Variants in STX18 observed in about 807,000 individuals in gnomAD.
STX18 encodes syntaxin 18.
Under a neutral mutation model 50.1 loss-of-function variants are expected in STX18, and 40 were observed. That is an observed-to-expected ratio of 0.80 (90% CI 0.62 to 1.04). The LOEUF (loss-of-function observed/expected upper bound fraction) is 1.04. Among genes scored for constraint, STX18 ranks in the 50% least tolerant of loss-of-function variants. The pLI, the probability that STX18 is intolerant of heterozygous loss-of-function variation, is 0.00. For missense variants in STX18, 410 were observed against 415.8 expected (o/e 0.99, Z 0.12); for synonymous variants, 158 against 151.8 (o/e 1.04, Z -0.30).
rs150480316 is a variant in STX18, at chr4:4,470,389, G to A, written c.236+1250C>T. ...TGCAAAATCACCACAGTTGAGTGCT[G>A]CTGGGCTAGTCATGGACTTTAGGAC... On this transcript the variant is annotated intron_variant, in intron 2 of 10. Transcript: ENST00000306200. Among the ~76,000 whole-genome samples the A allele has an allele frequency of 2.3e-3, 345 of 152,270 alleles. 2 individuals are homozygous for A. Among genetic ancestry groups the A allele is most frequent in the African/African-American group, 7.8e-3 (323 of 41,544 alleles).
chr4:4,430,429 T>C (rs1725462195), intron 7 of STX18, among the ~76,000 whole-genome samples: 1 of 152,244 alleles, frequency 6.6e-6, no homozygotes, highest in African/African-American at 2.4e-5. Context: ...AGAAAGAAGT[T>C]AACTGGACAT....
intron 1 of STX18, among the ~76,000 whole-genome samples, chr4:4,523,303 G>A (rs1730600983): frequency 1.3e-5 from 2 of 152,098 alleles, no homozygotes; most frequent in African/African-American, 4.8e-5. Context: ...TTTTCCCAGG[G>A]ACTACTCTGA....
chr4:4,465,940 C>T (rs1186664926), intron 2 of STX18, among the ~76,000 whole-genome samples: 2 of 152,160 alleles, frequency 1.3e-5, no homozygotes, highest in Non-Finnish European at 2.9e-5. Context: ...ACATGGTAGG[C>T]ACTCAATAAA....
At position 4,456,670 on chromosome 4, in the gene STX18, C is replaced by T. The variant is rs558729864; in HGVS notation, c.497+521G>A. On this transcript the variant is annotated intron_variant, in intron 5 of 10. Coordinates refer to ENST00000306200, the MANE Select transcript of STX18 (RefSeq NM_016930.4). ...GGTGTGCACTCAGAGCATGTGGCAT[C>T]GAGCAAGTCTGTCACAGGTGACCTG... Among the ~76,000 whole-genome samples, 219 of 152,316 alleles carry T rather than the reference C, an allele frequency of 1.4e-3. 4 individuals carry two copies. Among genetic ancestry groups the T allele is most frequent in the Admixed American group, 0.013 (197 of 15,306 alleles).
intron 2 of STX18, among the ~76,000 whole-genome samples, chr4:4,464,830 C>T (rs1727542926): frequency 6.6e-6 from 1 of 151,544 alleles, no homozygotes; most frequent in Non-Finnish European, 1.5e-5. Context: ...AACAGTCTAT[C>T]TCATTAATTT....
intron 5 of STX18, among the ~76,000 whole-genome samples, chr4:4,443,788 A>G (rs1726245824): frequency 2.0e-5 from 3 of 152,246 alleles, no homozygotes; most frequent in Non-Finnish European, 4.4e-5. Context: ...AAAAAAGCCT[A>G]TATGATCATT....
At chr4:4,500,088 A>AC (rs148027728) in intron 1 of STX18, among the ~76,000 whole-genome samples, 9,245 of 151,788 alleles carry the variant, frequency 0.061, 431 homozygotes, top group African/African-American at 0.13. Context: ...ACTTGGTGTT[A>AC]AAAAAAAATT....
upstream of STX18, chr4:4,542,229 G>T: frequency 2.5e-6 from 1 of 406,528 alleles, no homozygotes; most frequent in Non-Finnish European, 4.4e-6. Context: ...GGAGGGTTTA[G>T]CTGCGCGGAG....
chr4:4,480,648 T>C (rs1212779870), intron 1 of STX18, among the ~76,000 whole-genome samples: 3 of 152,248 alleles, frequency 2.0e-5, no homozygotes, highest in African/African-American at 4.8e-5. Context: ...GGATTTTCTT[T>C]TTTTAAAAAA....
chr4:4,433,534 T>TAAAAAAAAAAAAAAAAAAAAAAAAA (rs10676475), intron 7 of STX18, among the ~76,000 whole-genome samples: 1 of 111,070 alleles, frequency 9.0e-6, no homozygotes, highest in African/African-American at 3.2e-5. Context: ...AAAAATAAAT[T>TAAAAAAAAAAAAAAAAAAAAAAAAA]AAAAAAAAAA....
chr4:4,470,144 T>C (rs2108833911), intron 2 of STX18, among the ~76,000 whole-genome samples: 1 of 152,192 alleles, frequency 6.6e-6, no homozygotes, highest in East Asian at 1.9e-4. Flanking sequence ...TCAATAAACC[T>C]GTGACGAACC....
intron 5 of STX18, among the ~76,000 whole-genome samples, chr4:4,450,664 C>G (rs151256564): frequency 0.013 from 1,990 of 152,262 alleles, 26 homozygotes; most frequent in Non-Finnish European, 0.019. Context: ...TCTACCACCC[C>G]TCTCCATCCC....
chr4:4,420,682 A>T lies in STX18; in HGVS notation c.912+182T>A. ...GCCACTGCCTCTCGAAAGCAGCTGG[A>T]GGTGGGCGACAGGTGGTGGGTCTCA... On this transcript the variant is annotated intron_variant, in intron 10 of 10. Coordinates refer to ENST00000306200, the MANE Select transcript of STX18 (RefSeq NM_016930.4). This position sits in a 1 kb window ranked among gnomAD's most constrained non-coding sequence, Gnocchi z 4.3. 1.7e-6 allele frequency: 1 copy of T among 595,174 alleles called. No individual in the cohort carries two copies. The highest frequency in any genetic ancestry group is 3.0e-6 in the Non-Finnish European group (1 of 336,788). 36.9% of individuals were successfully genotyped at this position (595,174 alleles called of 1,614,324 possible).
intron 1 of STX18, 125 bp downstream of exon 1, chr4:4,541,672 T>C: frequency 1.8e-6 from 2 of 1,099,990 alleles, no homozygotes; most frequent in Non-Finnish European, 2.5e-6. Flanking sequence ...GGCCAACTCT[T>C]CTGTCCCCCT....
At chr4:4,462,220 C>T (rs998427146) in intron 2 of STX18, among the ~76,000 whole-genome samples, 2 of 152,162 alleles carry the variant, frequency 1.3e-5, no homozygotes, top group African/African-American at 4.8e-5. Flanking sequence ...TTGTCTTGTT[C>T]AATAACCAAC....
chr4:4,435,628 T>C (rs376550339), intron 6 of STX18, among the ~76,000 whole-genome samples: 2 of 152,352 alleles, frequency 1.3e-5, no homozygotes, highest in African/African-American at 4.8e-5. Context: ...ATAACTACGC[T>C]GACAGACCTC....
intron 1 of STX18, among the ~76,000 whole-genome samples, chr4:4,540,112 T>C (rs534491987): frequency 1.3e-5 from 2 of 152,222 alleles, no homozygotes; most frequent in East Asian, 3.9e-4. Context: ...CCACTTTAAT[T>C]TGTTACATAT....
chr4:4,512,156 T>C, intron 1 of STX18, among the ~76,000 whole-genome samples: 1 of 152,102 alleles, frequency 6.6e-6, no homozygotes, highest in East Asian at 1.9e-4. Flanking sequence ...CTGCAACAAC[T>C]AAACCAGATA....
intron 1 of STX18, among the ~76,000 whole-genome samples, chr4:4,503,867 C>T (rs1729573612): frequency 6.6e-6 from 1 of 152,030 alleles, no homozygotes; most frequent in Non-Finnish European, 1.5e-5. Flanking sequence ...GTGATAAAAA[C>T]TTCCACTTTA....
Sources: gnomAD v4.1 joint callset for allele counts (sites outside exome capture counted in the v4.1 genomes callset) on GRCh38, gnomAD v4.1.1 for gene constraint, Gnocchi (gnomAD v3.1) non-coding constraint, MANE v1.5 for transcripts, NCBI Gene and HGNC (gene_info 2026-07-23, HGNC 2026-07-21) for gene names.